The following EPN2 variants were observed in gnomAD, a reference collection of about 807,000 sequenced individuals.
EPN2 encodes epsin 2.
A neutral mutation model predicts 61.7 loss-of-function variants in EPN2; 34 were observed. The observed-to-expected ratio is 0.55, with a 90% confidence interval of 0.42 to 0.73. The LOEUF is 0.73. Ranked by LOEUF, EPN2 falls within the 30% of genes least tolerant of loss-of-function variation. The pLI is 0.00. For synonymous variants in EPN2, 349 were observed against 353.6 expected, an observed-to-expected ratio of 0.99 and a Z score of 0.15; for missense variants, 714 against 839.2, an observed-to-expected ratio of 0.85 and a Z score of 1.84.
rs1415140313 is a variant in EPN2 at position 19,285,493 on chromosome 17, C to T, written c.596-127C>T. 3.8e-6 allele frequency: 5 copies of T among 1,329,346 alleles called. No homozygotes were observed. Among genetic ancestry groups the T allele is most frequent in the Admixed American group, 3.7e-5 (1 of 26,694 alleles). The allele number at this position is 1,329,346 out of a possible 1,614,324, so 82.3% of individuals were successfully genotyped here. A position where few individuals can be genotyped will look rare whatever the true frequency, so the allele number is the denominator to read the frequency against. ...CAGAATGTGGTCAGTGGGCTTTTCACAGCTTCCACCGCAGTGGGCTGCGGG... is the reference window on the plus strand; with the variant it reads ...CAGAATGTGGTCAGTGGGCTTTTCATAGCTTCCACCGCAGTGGGCTGCGGG... On this transcript the variant is annotated intron_variant, in intron 3 of 10. Transcript: ENST00000314728. This position sits in a 1 kb window ranked among gnomAD's most constrained non-coding sequence, Gnocchi z 4.5.
intron 6 of EPN2, 121 bp downstream of exon 6, chr17:19,312,265 C>T (rs899075383): frequency 5.5e-6 from 4 of 726,386 alleles, no homozygotes; most frequent in Non-Finnish European, 4.9e-6. Flanking sequence ...CAGCAAATAA[C>T]CTTCATGCCT....
At position 19,335,566 on chromosome 17, in the gene EPN2, G is replaced by T; in HGVS notation, c.*1312G>T. On this transcript the variant is annotated 3_prime_UTR_variant, in exon 11 of 11. Transcript: ENST00000314728. Reference sequence around the variant, plus strand: ...GTTGTCCCGAGGGCGTGGGGTGGGGGGTGCTTCTGTGCCCACGGGTCCCTG... The same window carrying T: ...GTTGTCCCGAGGGCGTGGGGTGGGGTGTGCTTCTGTGCCCACGGGTCCCTG... 1 of 1,313,664 alleles carries T rather than the reference G, an allele frequency of 7.6e-7. No homozygotes were observed. The allele number at this position is 1,313,664 out of a possible 1,614,324, so 81.4% of individuals were successfully genotyped here.
At chr17:19,243,220 CTTTT>C (rs71155386) in intron 1 of EPN2, among the ~76,000 whole-genome samples, 2 of 127,144 alleles carry the variant, frequency 1.6e-5, no homozygotes, top group Non-Finnish European at 1.6e-5. Flanking sequence ...GAGAATGTGT[CTTTT>C]TTTTTTTTTT....
intron 1 of EPN2, among the ~76,000 whole-genome samples, chr17:19,253,353 A>G (rs1428638554): frequency 1.4e-5 from 2 of 144,112 alleles, no homozygotes; most frequent in African/African-American, 5.2e-5. Context: ...ACCACAATTT[A>G]TTTATTTAGT....
At chr17:19,290,150 G>A (rs2045448674) in intron 4 of EPN2, among the ~76,000 whole-genome samples, 1 of 152,176 alleles carries the variant, frequency 6.6e-6, no homozygotes, top group African/African-American at 2.4e-5. Context: ...TCAGTGCTCA[G>A]GACAGTTGTG....
intron 1 of EPN2, among the ~76,000 whole-genome samples, chr17:19,281,485 G>T (rs1417570273): frequency 5.3e-5 from 8 of 152,116 alleles, no homozygotes; most frequent in Non-Finnish European, 1.2e-4. Flanking sequence ...CCTTGCTTCT[G>T]CCACCTTTTG....
intron 9 of EPN2, among the ~76,000 whole-genome samples, 181 bp downstream of exon 9, chr17:19,329,828 G>A (rs187472976): frequency 1.3e-5 from 2 of 152,238 alleles, no homozygotes; most frequent in African/African-American, 4.8e-5. Context: ...AAATCACAAG[G>A]TAGAGTCCCC....
chr17:19,308,138 A>G (rs1363798096), intron 4 of EPN2: 3 of 653,278 alleles, frequency 4.6e-6, no homozygotes, highest in Admixed American at 1.3e-4. Flanking sequence ...CAGTAGCTTG[A>G]TCTTGGCTCA....
chr17:19,319,585 C>A (rs1206124324), intron 7 of EPN2, among the ~76,000 whole-genome samples: 8 of 152,026 alleles, frequency 5.3e-5, no homozygotes, highest in Admixed American at 5.2e-4. Context: ...CCTGCCTTGG[C>A]CTGCCAAAGT....
intron 1 of EPN2, among the ~76,000 whole-genome samples, chr17:19,253,716 TTTAAC>T (rs1318307554): frequency 6.6e-6 from 1 of 152,222 alleles, no homozygotes. Context: ...GCCATTTTAA[TTTAAC>T]TTGTCATTGC....
At chr17:19,270,859 C>G (rs553066522) in intron 1 of EPN2, among the ~76,000 whole-genome samples, 14 of 152,098 alleles carry the variant, frequency 9.2e-5, no homozygotes, top group Non-Finnish European at 2.1e-4. Flanking sequence ...GGTGCTGGTT[C>G]GTGTGGAGCA....
chr17:19,259,175 A>G (rs1355757283), intron 1 of EPN2, among the ~76,000 whole-genome samples: 2 of 152,234 alleles, frequency 1.3e-5, no homozygotes, highest in Non-Finnish European at 2.9e-5. Flanking sequence ...TATAAGGCTT[A>G]TGGAAATACA....
intron 10 of EPN2, among the ~76,000 whole-genome samples, chr17:19,332,887 C>T (rs1301437004): frequency 2.0e-5 from 3 of 152,262 alleles, no homozygotes; most frequent in Non-Finnish European, 4.4e-5. Context: ...CTCAGGTGTT[C>T]AGCCCCAGGC....
intron 1 of EPN2, among the ~76,000 whole-genome samples, chr17:19,238,982 T>C (rs765625837): frequency 6.6e-6 from 1 of 152,246 alleles, no homozygotes; most frequent in African/African-American, 2.4e-5. Flanking sequence ...CAAAATCTTA[T>C]GCTGAATCTG....
At chr17:19,326,200 T>G (rs1013180173) in intron 7 of EPN2, among the ~76,000 whole-genome samples, 1 of 152,224 alleles carries the variant, frequency 6.6e-6, no homozygotes, top group Non-Finnish European at 1.5e-5. Flanking sequence ...AAATTGATCT[T>G]GGATGCAATG....
intron 8 of EPN2, 96 bp from the exon 9 acceptor site, chr17:19,329,465 C>A: frequency 1.4e-6 from 1 of 706,876 alleles, no homozygotes; most frequent in Non-Finnish European, 2.4e-6. Flanking sequence ...GGAGAGGCCC[C>A]TGTTGCCAGC....
chr17:19,309,910 G>A lies in EPN2; in HGVS notation c.792G>A (p.Glu264=), dbSNP rs142086913. 7 of 1,608,598 alleles carry A rather than the reference G, an allele frequency of 4.4e-6. No homozygotes were observed. In the African/African-American group the frequency reaches 9.3e-5, roughly 21 times the overall value. The change falls in exon 5 of 11, where the codon GAG becomes GAA. Residue 264 remains glutamate (E), a synonymous_variant. Coordinates refer to ENST00000314728, the MANE Select transcript of EPN2 (RefSeq NM_014964.5). ...ARATSPRVSS[E]LEQARPQTSG... ...CCACCTCCCCGCGAGTGTCCTCCGA[G>A]CTGGAGCAAGCCCGGCCCCAGACTA...
chr17:19,256,581 T>C (rs1028206464), intron 1 of EPN2, among the ~76,000 whole-genome samples: 2 of 152,130 alleles, frequency 1.3e-5, no homozygotes, highest in Non-Finnish European at 2.9e-5. Context: ...AGGCCAGTGG[T>C]ATGAGCTCAG....
chr17:19,329,579 G>A lies in EPN2; in HGVS notation c.1343G>A (p.Ser448Asn). The A allele has an allele frequency of 6.2e-7, 1 of 1,612,782 alleles. No homozygotes were observed. Among genetic ancestry groups the A allele is most frequent in the Non-Finnish European group, 8.5e-7 (1 of 1,179,132 alleles). The stretch of plus-strand genomic sequence containing the variant: ...CACCCAGGGTCCTTTGAGCTCTTCA[G>A]TAATCTGAATGGTACAATTAAAGAT... Reference protein sequence around the residue: ...VSVSGSFELFSNLNGTIKDDF... With the variant: ...VSVSGSFELFNNLNGTIKDDF... The change falls in exon 9 of 11, where the codon AGT (serine) becomes AAT (asparagine). Residue 448 changes from serine to asparagine, a missense_variant. By Grantham distance (46) the Ser-to-Asn change is conservative. This residue lies in a region of EPN2 where 410 missense variants were observed against 421.8 expected (regional missense o/e 0.97). Transcript: ENST00000314728.
Sources: allele counts gnomAD v4.1 joint callset (sites outside exome capture counted in the v4.1 genomes callset), GRCh38; gene constraint gnomAD v4.1.1; regional missense constraint gnomAD v4.1.1; non-coding constraint Gnocchi (gnomAD v3.1); transcripts MANE v1.5; gene names NCBI Gene and HGNC (gene_info 2026-07-23, HGNC 2026-07-21).